Variants in CSF2RA observed in about 807,000 individuals in gnomAD.
CSF2RA encodes colony stimulating factor 2 receptor subunit alpha.
In CSF2RA, 42 loss-of-function variants were observed where a neutral mutation model predicts 51.6. That is an observed-to-expected ratio of 0.81 (90% confidence interval 0.64 to 1.05). The LOEUF (loss-of-function observed/expected upper bound fraction) is 1.05. Among genes scored for constraint, CSF2RA ranks in the 50% least tolerant of loss-of-function variants. The pLI, the probability that CSF2RA is intolerant of heterozygous loss-of-function variation, is 0.00. For missense variants in CSF2RA, 530 were observed against 501.1 expected, an observed-to-expected ratio of 1.06 and a Z score of -0.55; for synonymous variants, 222 against 193.0, an observed-to-expected ratio of 1.15 and a Z score of -1.24.
chrX:1,280,082 G>A (rs2089699397), intron 2 of CSF2RA, among the ~76,000 whole-genome samples: 1 of 152,064 alleles, frequency 6.6e-6, no homozygotes, highest in African/African-American at 2.4e-5. Flanking sequence ...GAGCCACTGT[G>A]CCCGGCCGAG....
At chrX:1,296,183 G>C (rs1303609404) in intron 9 of CSF2RA, among the ~76,000 whole-genome samples, 2 of 141,812 alleles carry the variant, frequency 1.4e-5, no homozygotes, top group South Asian at 2.3e-4. Flanking sequence ...ACTACACCTA[G>C]TGTAACTAAC....
chrX:1,315,003 C>CCACTGTGCCTGCCCAATCG (rs2084509635), downstream of CSF2RA, among the ~76,000 whole-genome samples: 2 of 69,508 alleles, frequency 2.9e-5, 1 homozygote, highest in Admixed American at 2.7e-4. Flanking sequence ...CTGCCCAACC[C>CCACTGTGCCTGCCCAATCG]CACTGCACCT....
chrX:1,295,470 C>T lies in CSF2RA; in HGVS notation c.810+14C>T. 6.2e-7 allele frequency: 1 copy of T among 1,613,344 alleles called. No homozygotes were observed. The highest frequency in any genetic ancestry group is 8.5e-7 in the Non-Finnish European group (1 of 1,179,498). ...GAAAACCTACTGGTAAGTGAAACCACAGACCCTACTGACAACCCTCAGCGT... is the reference window on the plus strand; with the variant it reads ...GAAAACCTACTGGTAAGTGAAACCATAGACCCTACTGACAACCCTCAGCGT... On this transcript the variant is annotated intron_variant, in intron 9 of 12. Coordinates refer to ENST00000381529, the MANE Select transcript of CSF2RA (RefSeq NM_172245.4).
rs748778701 is a variant in CSF2RA, at chrX:1,286,070, C to G, written c.219+150C>G. On this transcript the variant is annotated intron_variant, in intron 4 of 12. Coordinates refer to ENST00000381529, the MANE Select transcript of CSF2RA (RefSeq NM_172245.4). The stretch of plus-strand genomic sequence containing the variant: ...GGCGGATCACCTGAGGTCGGGAGTT[C>G]AAGACCAGCCTGACCAACATGGTGA... 7.3e-6 allele frequency: 6 copies of G among 819,592 alleles called. No homozygotes were observed. In the Admixed American group the frequency reaches 7.6e-5, roughly 10 times the overall value. 50.8% of individuals were successfully genotyped at this position (819,592 alleles called of 1,614,324 possible).
chrX:1,312,093 A>G (rs2084217367), downstream of CSF2RA, among the ~76,000 whole-genome samples: 3 of 152,196 alleles, frequency 2.0e-5, no homozygotes, highest in South Asian at 6.2e-4. Flanking sequence ...AGTAGCTGGG[A>G]TGACAGGCAC....
At chrX:1,311,770 C>T (rs2084202851), downstream of CSF2RA, among the ~76,000 whole-genome samples, 1 of 152,044 alleles carries the variant, frequency 6.6e-6, no homozygotes, top group African/African-American at 2.4e-5. Flanking sequence ...ATACATCACC[C>T]AGCCTGGGGA....
intron 1 of CSF2RA, among the ~76,000 whole-genome samples, chrX:1,272,667 T>G (rs1219578449): frequency 2.6e-5 from 4 of 151,432 alleles, no homozygotes; most frequent in Non-Finnish European, 5.9e-5. Flanking sequence ...TTCTTTGTAT[T>G]TTTAGTAGAG....
At chrX:1,282,217 A>T in intron 2 of CSF2RA, 1 of 177,750 alleles carries the variant, frequency 5.6e-6, no homozygotes, top group Non-Finnish European at 1.2e-5. Flanking sequence ...AAAAGAAAAA[A>T]AAAGTACAAA....
At chrX:1,305,908 C>G (rs2083516142) in intron 12 of CSF2RA, 3 of 895,884 alleles carry the variant, frequency 3.3e-6, no homozygotes, top group Non-Finnish European at 5.2e-6. Flanking sequence ...TGGTGAAACC[C>G]CATCTCTGCT....
In CSF2RA at chrX:1,299,397, T is replaced by C. The variant is rs113788775; in HGVS notation, c.811-1094T>C. Among the ~76,000 whole-genome samples the C allele has an allele frequency of 5.8e-3, 881 of 152,286 alleles. 8 individuals are homozygous for C. Among genetic ancestry groups the C allele is most frequent in the African/African-American group, 0.02 (831 of 41,560 alleles). On this transcript the variant is annotated intron_variant, in intron 9 of 12. Coordinates refer to ENST00000381529, the MANE Select transcript of CSF2RA (RefSeq NM_172245.4). ...CTATCCGTCTGAAGGTCTGTTAATA[T>C]CAGTTGTTGATCCTGAATCATTTAT... is the stretch of plus-strand genomic sequence containing the variant.
chrX:1,282,796 G>A lies in CSF2RA; in HGVS notation c.76+17G>A, dbSNP rs770130009. On this transcript the variant is annotated intron_variant, in intron 3 of 12. Transcript: ENST00000381529. ...AGAAATCGGGTAAGTATGGAAACCT[G>A]GCTGAACCTTCTCCGCGGCCCCTGT... The A allele has an allele frequency of 2.5e-6, 4 of 1,607,454 alleles. No homozygotes were observed. Among genetic ancestry groups the A allele is most frequent in the Non-Finnish European group, 3.4e-6 (4 of 1,174,416 alleles).
At chrX:1,304,045 C>T in intron 11 of CSF2RA, 26 bp downstream of exon 11, 1 of 1,585,796 alleles carries the variant, frequency 6.3e-7, no homozygotes, top group Non-Finnish European at 8.7e-7. Flanking sequence ...CCTGGGCCTC[C>T]CCAATGAAAA....
the CSF2RA span, among the ~76,000 whole-genome samples, chrX:1,319,964 C>T: frequency 1.4e-4 from 21 of 147,192 alleles, no homozygotes; most frequent in Admixed American, 1.4e-3. Context: ...GGCACGATCT[C>T]GGCTCACTGC....
At position 1,290,429 on chromosome X, in the gene CSF2RA, G is replaced by T. The variant is rs147180621; in HGVS notation, c.566G>T (p.Arg189Leu). Residue 189 changes from arginine (R) to leucine (L), a missense_variant, in exon 7 of 13, where the codon CGC becomes CTC. By Grantham distance (102) the Arg-to-Leu change is moderately radical. Transcript: ENST00000381529. ...HLDNLSGLTSRNYFLVNGTSR... is the reference protein window; with the variant it reads ...HLDNLSGLTSLNYFLVNGTSR... ...GATAACCTGTCAGGATTAACGTCTC[G>T]CAATTACTTTCTGGTTAACGGAACC... 1.2e-6 allele frequency: 2 copies of T among 1,613,730 alleles called. No individual in the cohort carries two copies. The highest frequency in any genetic ancestry group is 1.1e-5 in the South Asian group (1 of 91,066).
the CSF2RA span, among the ~76,000 whole-genome samples, chrX:1,323,021 C>T: frequency 4.6e-5 from 7 of 151,560 alleles, no homozygotes; most frequent in South Asian, 2.1e-4. Flanking sequence ...CCCAGCTACT[C>T]GGGAGGCTGA....
chrX:1,304,644 G>GT lies in CSF2RA; in HGVS notation c.1043+634dup, dbSNP rs34201069. Among the ~76,000 whole-genome samples, 27 of 117,184 alleles carry GT rather than the reference G, an allele frequency of 2.3e-4. No homozygotes were observed. In the East Asian group the frequency reaches 0.011, roughly 49 times the overall value. 76.9% of individuals were successfully genotyped at this position (117,184 alleles called of 152,430 possible). On this transcript the variant is annotated intron_variant, in intron 11 of 12. Transcript: ENST00000381529. Reference sequence around the variant, plus strand: ...AGCGTGGTTTCTGGGTTGGAGGTGGGTTTTTTTTTGTTTGTTTGTTTTTTT... The same window carrying GT: ...AGCGTGGTTTCTGGGTTGGAGGTGGGTTTTTTTTTTGTTTGTTTGTTTTTTT...
chrX:1,305,587 G>C, intron 12 of CSF2RA, 60 bp downstream of exon 12: 1 of 1,613,960 alleles, frequency 6.2e-7, no homozygotes, highest in Non-Finnish European at 8.5e-7. Context: ...GGGAGCGTGG[G>C]ACACGGCCTC....
intron 3 of CSF2RA, among the ~76,000 whole-genome samples, chrX:1,283,434 C>T (rs2090284620): frequency 6.8e-6 from 1 of 146,732 alleles, no homozygotes; most frequent in Admixed American, 7.0e-5. Context: ...TTCTTCCTTC[C>T]ATTGTTTTTC....
At chrX:1,272,474 C>CTTTAT (rs773976546) in intron 1 of CSF2RA, among the ~76,000 whole-genome samples, 13 of 149,046 alleles carry the variant, frequency 8.7e-5, no homozygotes, top group African/African-American at 2.2e-4. Context: ...TGATTTTTTT[C>CTTTAT]TTTATTTTAT....
Sources: allele counts gnomAD v4.1 joint callset (sites outside exome capture counted in the v4.1 genomes callset), GRCh38; gene constraint gnomAD v4.1.1; transcripts MANE v1.5; gene names NCBI Gene and HGNC (gene_info 2026-07-23, HGNC 2026-07-21).